Variants in KIAA0825 observed in about 807,000 individuals in gnomAD.
KIAA0825 encodes the protein uncharacterized protein KIAA0825.
A neutral mutation model predicts 147.6 loss-of-function variants in KIAA0825; 119 were observed. The observed-to-expected ratio is 0.81, with a 90% CI of 0.69 to 0.94. The LOEUF (loss-of-function observed/expected upper bound fraction) is 0.94. Ranked by LOEUF, KIAA0825 falls within the 40% of genes least tolerant of loss-of-function variation. The probability of loss-of-function intolerance (pLI) is 0.00; values close to 1 mark genes in which losing one functional copy is unlikely to be tolerated. For missense variants in KIAA0825, 1,381 were observed against 1,472.7 expected (o/e 0.94, Z 1.02); for synonymous variants, 470 against 518.1 (o/e 0.91, Z 1.26).
chr5:94,294,493 C>T (rs1283886312), intron 20 of KIAA0825, among the ~76,000 whole-genome samples: 2 of 152,080 alleles, frequency 1.3e-5, no homozygotes, highest in Non-Finnish European at 2.9e-5. Flanking sequence ...TTTGGGAGGC[C>T]AAGGTGGGTG....
At position 94,473,439 on chromosome 5, in the gene KIAA0825, A is replaced by C. The variant is rs770387818; in HGVS notation, c.1308T>G (p.Ile436Met). 6.4e-7 allele frequency: 1 copy of C among 1,551,964 alleles called. No individual in the cohort carries two copies. The highest frequency in any genetic ancestry group is 1.2e-5 in the South Asian group (1 of 84,064). Reference sequence around the variant, plus strand: ...GGAGAATTTTTGTGGAAAAACCTTCAATTGCAGTTACTACGCAGTGCGCCA... The same window carrying C: ...GGAGAATTTTTGTGGAAAAACCTTCCATTGCAGTTACTACGCAGTGCGCCA... ...LPMAHCVVTA[I>M]EGFSTKILQQ... The change falls in exon 8 of 21, where the codon ATT becomes ATG. Residue 436 changes from isoleucine to methionine, a missense_variant. Ile to Met is a conservative substitution (Grantham distance 10). Transcript: ENST00000682413.
At chr5:94,578,996 T>G (rs1781567513) in intron 2 of KIAA0825, among the ~76,000 whole-genome samples, 2 of 152,190 alleles carry the variant, frequency 1.3e-5, no homozygotes, top group African/African-American at 4.8e-5. Context: ...CTTGGCTCAC[T>G]GCAACCTCTG....
intron 20 of KIAA0825, among the ~76,000 whole-genome samples, chr5:94,262,345 T>C (rs1324526703): frequency 2.0e-5 from 3 of 152,058 alleles, no homozygotes; most frequent in Non-Finnish European, 4.4e-5. Flanking sequence ...CATAGCCTCT[T>C]TGAAAGGAAA....
At chr5:94,567,229 T>C (rs994240203) in intron 2 of KIAA0825, among the ~76,000 whole-genome samples, 4 of 152,168 alleles carry the variant, frequency 2.6e-5, no homozygotes, top group Non-Finnish European at 5.9e-5. Context: ...ATTTGCAAGG[T>C]TTGTTTTCAA....
chr5:94,489,798 A>G (rs967078428), intron 5 of KIAA0825, among the ~76,000 whole-genome samples: 1 of 151,226 alleles, frequency 6.6e-6, no homozygotes, highest in African/African-American at 2.4e-5. Flanking sequence ...AGGCATGAGA[A>G]TCACTTGAAA....
intron 16 of KIAA0825, among the ~76,000 whole-genome samples, chr5:94,401,195 T>A (rs1368333202): frequency 6.6e-6 from 1 of 151,938 alleles, no homozygotes; most frequent in Non-Finnish European, 1.5e-5. Flanking sequence ...GGGATTTACA[T>A]CAACAAAATA....
intron 20 of KIAA0825, among the ~76,000 whole-genome samples, chr5:94,367,566 G>A (rs968199598): frequency 6.6e-6 from 1 of 152,140 alleles, no homozygotes; most frequent in East Asian, 1.9e-4. Context: ...ATAGAGAAAG[G>A]ATTTGAACCC....
intron 20 of KIAA0825, among the ~76,000 whole-genome samples, chr5:94,201,794 T>G (rs1771722909): frequency 6.6e-6 from 1 of 152,166 alleles, no homozygotes; most frequent in Admixed American, 6.5e-5. Flanking sequence ...AATGGGGTCT[T>G]GCAGTGAAGG....
intron 20 of KIAA0825, among the ~76,000 whole-genome samples, chr5:94,249,995 T>C (rs1018649393): frequency 6.6e-6 from 1 of 152,130 alleles, no homozygotes; most frequent in South Asian, 2.1e-4. Context: ...AACTAGATTA[T>C]TTACAAGATA....
chr5:94,384,312 C>CAT (rs1748846837), intron 20 of KIAA0825, 56 bp downstream of exon 20: 1 of 1,265,238 alleles, frequency 7.9e-7, no homozygotes, highest in Non-Finnish European at 1.1e-6. Flanking sequence ...CACACACACA[C>CAT]GCACACACAC....
At chr5:94,344,752 G>T (rs968753891) in intron 20 of KIAA0825, among the ~76,000 whole-genome samples, 1 of 152,148 alleles carries the variant, frequency 6.6e-6, no homozygotes, top group Non-Finnish European at 1.5e-5. Context: ...GGAAACCCTG[G>T]CAGGTGCTAC....
At chr5:94,315,141 G>C (rs1273260156) in intron 20 of KIAA0825, among the ~76,000 whole-genome samples, 2 of 151,600 alleles carry the variant, frequency 1.3e-5, no homozygotes, top group Non-Finnish European at 3.0e-5. Flanking sequence ...AATGCAATTA[G>C]GAATCCCACC....
At chr5:94,494,314 C>CTTTTT (rs530332272) in intron 5 of KIAA0825, among the ~76,000 whole-genome samples, 182 of 111,816 alleles carry the variant, frequency 1.6e-3, no homozygotes, top group East Asian at 2.0e-3. Flanking sequence ...ATATTCAATC[C>CTTTTT]TTTTTTTTTT....
chr5:94,533,648 A>G (rs1191768125), intron 3 of KIAA0825, among the ~76,000 whole-genome samples: 1 of 152,228 alleles, frequency 6.6e-6, no homozygotes, highest in Non-Finnish European at 1.5e-5. Context: ...AGTACCACTC[A>G]GTTCATTAGT....
chr5:94,282,254 C>T (rs1252854710), intron 20 of KIAA0825, among the ~76,000 whole-genome samples: 2 of 152,018 alleles, frequency 1.3e-5, no homozygotes, highest in Non-Finnish European at 2.9e-5. Flanking sequence ...TCAGATACAA[C>T]TTAATACAAC....
At chr5:94,205,909 T>G (rs984778537) in intron 20 of KIAA0825, among the ~76,000 whole-genome samples, 2 of 152,174 alleles carry the variant, frequency 1.3e-5, no homozygotes, top group Non-Finnish European at 2.9e-5. Context: ...GTATTAAGGT[T>G]TTTTTTCCGA....
At chr5:94,292,112 C>T (rs1777927395) in intron 20 of KIAA0825, among the ~76,000 whole-genome samples, 1 of 152,110 alleles carries the variant, frequency 6.6e-6, no homozygotes, top group Non-Finnish European at 1.5e-5. Flanking sequence ...TTTCTATTGC[C>T]TGATTGCCCT....
At chr5:94,343,781 C>T (rs1442126533) in intron 20 of KIAA0825, among the ~76,000 whole-genome samples, 1 of 152,162 alleles carries the variant, frequency 6.6e-6, no homozygotes, top group African/African-American at 2.4e-5. Flanking sequence ...TCTATCTACC[C>T]TTCCATCCAT....
In KIAA0825 at chr5:94,520,648, T is replaced by C; in HGVS notation, c.570A>G (p.Leu190=). The C allele has an allele frequency of 6.2e-7, 1 of 1,613,448 alleles. No homozygotes were observed. Among genetic ancestry groups the C allele is most frequent in the Admixed American group, 1.7e-5 (1 of 59,964 alleles). ...NEINNSQQKI[L]LKKQCLQQLL... ...GTTGTTGTAAGCACTGCTTTTTCAA[T>C]AAAATTTTTTGCTGTGAATTGTTTA... is the stretch of plus-strand genomic sequence containing the variant. Residue 190 remains leucine, a synonymous_variant, in exon 5 of 21, where the codon TTA becomes TTG. Coordinates refer to ENST00000682413, the MANE Select transcript of KIAA0825 (RefSeq NM_001145678.3).
Sources: gnomAD v4.1 joint callset for allele counts (sites outside exome capture counted in the v4.1 genomes callset) on GRCh38, gnomAD v4.1.1 for gene constraint, MANE v1.5 for transcripts, NCBI Gene and HGNC (gene_info 2026-07-23, HGNC 2026-07-21) for gene names.